Variants in DPYSL2 observed in about 807,000 individuals in gnomAD.
The protein encoded by DPYSL2 is dihydropyrimidinase like 2.
DPYSL2 carries 13 observed loss-of-function variants against 69.9 expected under a neutral mutation model. The ratio of observed to expected loss-of-function variants is 0.19; its 90% CI spans 0.12 to 0.30. The LOEUF is 0.30. DPYSL2 is among the 10% of genes least tolerant of loss of function. The pLI is 1.00. For missense variants in DPYSL2, 587 were observed against 918.9 expected, an observed-to-expected ratio of 0.64 and a Z score of 4.67; for synonymous variants, 326 against 359.1, an observed-to-expected ratio of 0.91 and a Z score of 1.04.
At chr8:26,536,377 A>G (rs968211099) in intron 1 of DPYSL2, among the ~76,000 whole-genome samples, 1 of 151,972 alleles carries the variant, frequency 6.6e-6, no homozygotes, top group Non-Finnish European at 1.5e-5. Flanking sequence ...GTTTTTTAAA[A>G]AGTAAATTAT....
chr8:26,611,840 AAG>A (rs1352424989), intron 3 of DPYSL2, among the ~76,000 whole-genome samples: 1 of 152,208 alleles, frequency 6.6e-6, no homozygotes, highest in Non-Finnish European at 1.5e-5. Context: ...TGGACCCGGA[AAG>A]AGGGACTCAG....
rs1489673441 is a variant in DPYSL2, at chr8:26,642,859, G to C, written c.1127-580G>C. 6.6e-6 allele frequency: 1 copy of C among 152,266 alleles called. No individual in the cohort carries two copies. The highest frequency in any genetic ancestry group is 6.5e-5 in the Admixed American group (1 of 15,280). The allele number at this position is 152,266 out of a possible 1,614,324, so 9.4% of individuals were successfully genotyped here. On this transcript the variant is annotated intron_variant, in intron 8 of 13. Transcript: ENST00000521913. The surrounding 1 kb of genome is among the most constrained non-coding windows in gnomAD (Gnocchi z 5.3). ...GTGAAGATGGTGGCTGTAACGGACA[G>C]CTTCTTCCAGGCAGTGACTCAGGGA...
Position 26,654,549 on chromosome 8 carries a change from C to CAATG in DPYSL2, c.1943-1065_1943-1064insATGA, listed in dbSNP as rs1433744953. 6.6e-6 allele frequency among the ~76,000 whole-genome samples: 1 copy of CAATG among 152,126 alleles called. No homozygotes were observed. The highest frequency in any genetic ancestry group is 1.5e-5 in the Non-Finnish European group (1 of 68,018). ...TTGTTGTAAGTAAAACGTGTATAAT[C>CAATG]ATGTCTGTGTTTTCTGATCTCTCAA... On this transcript the variant is annotated intron_variant, in intron 13 of 13. Coordinates refer to ENST00000521913, the MANE Select transcript of DPYSL2 (RefSeq NM_001197293.3). The surrounding 1 kb of genome is among the most constrained non-coding windows in gnomAD (Gnocchi z 5.0).
At position 26,634,788 on chromosome 8, in the gene DPYSL2, C is replaced by T. The variant is rs529587582; in HGVS notation, c.1014C>T (p.Ala338=). ...CTGCTGCTGTTTTGCAGGTCGAGGC[C>T]GAAGCCGTGAATCGTGCCATCACCA... The part of the protein sequence containing the change: ...HVLSRPEEVE[A]EAVNRAITIA... The change falls in exon 8 of 14, where the codon GCC becomes GCT. Residue 338 remains alanine, a synonymous_variant. Transcript: ENST00000521913. 6.8e-5 allele frequency: 110 copies of T among 1,614,144 alleles called. No homozygotes were observed. The Middle Eastern group carries it at 1.5e-3, about 22-fold the overall frequency.
At chr8:26,608,724 C>T (rs1802162442) in intron 3 of DPYSL2, among the ~76,000 whole-genome samples, 1 of 152,188 alleles carries the variant, frequency 6.6e-6, no homozygotes, top group Non-Finnish European at 1.5e-5. Flanking sequence ...ACCATTAGCC[C>T]TCAGCCCGAG....
Position 26,634,891 on chromosome 8 carries a change from C to T in DPYSL2, c.1117C>T (p.Arg373Trp), listed in dbSNP as rs1334281681. 3.1e-6 allele frequency: 5 copies of T among 1,614,152 alleles called. No homozygotes were observed. Among genetic ancestry groups the T allele is most frequent in the South Asian group, 1.1e-5 (1 of 91,070 alleles). ...KSSAEVIAQA[R>W]KKGTVVYGEP... Reference sequence around the variant, plus strand: ...CTCTGCTGAGGTCATCGCCCAGGCACGGAAGAAGGGTGAGTGCTGTGGCCG... The same window carrying T: ...CTCTGCTGAGGTCATCGCCCAGGCATGGAAGAAGGGTGAGTGCTGTGGCCG... The change falls in exon 8 of 14, where the codon CGG becomes TGG. Residue 373 changes from arginine (R) to tryptophan (W), a missense_variant. Transcript: ENST00000521913.
At chr8:26,520,726 C>A (rs1162715076) in intron 1 of DPYSL2, among the ~76,000 whole-genome samples, 1 of 152,172 alleles carries the variant, frequency 6.6e-6, no homozygotes, top group East Asian at 1.9e-4. Flanking sequence ...TAGGCTGTGA[C>A]AACAAATTAC....
At chr8:26,522,714 A>T (rs576358877) in intron 1 of DPYSL2, among the ~76,000 whole-genome samples, 51 of 152,254 alleles carry the variant, frequency 3.3e-4, no homozygotes, top group African/African-American at 1.2e-3. Flanking sequence ...ATATTGTTAA[A>T]TTGTATGAAT....
chr8:26,630,061 GCA>G (rs1802728947), intron 7 of DPYSL2, among the ~76,000 whole-genome samples: 1 of 152,188 alleles, frequency 6.6e-6, no homozygotes, highest in Non-Finnish European at 1.5e-5. Flanking sequence ...ATGTGCACAG[GCA>G]CAGACACGCA....
intron 1 of DPYSL2, among the ~76,000 whole-genome samples, chr8:26,538,874 G>A (rs532757480): frequency 6.6e-6 from 1 of 152,284 alleles, no homozygotes; most frequent in South Asian, 2.1e-4. Flanking sequence ...CTGGGCCCCA[G>A]TAGCCTTTAA....
chr8:26,633,500 C>T (rs167855), intron 7 of DPYSL2, among the ~76,000 whole-genome samples: 12,651 of 152,156 alleles, frequency 0.083, 778 homozygotes, highest in Admixed American at 0.22. Flanking sequence ...TGAAGTCTCT[C>T]GCTGTCACCC....
chr8:26,600,087 C>T (rs1382144329), intron 3 of DPYSL2, among the ~76,000 whole-genome samples: 3 of 152,200 alleles, frequency 2.0e-5, no homozygotes, highest in African/African-American at 4.8e-5. Flanking sequence ...TAATATGTAT[C>T]AATACTTCAT....
intron 1 of DPYSL2, among the ~76,000 whole-genome samples, chr8:26,526,891 G>T (rs920664197): frequency 2.0e-5 from 3 of 152,116 alleles, no homozygotes; most frequent in Non-Finnish European, 2.9e-5. Flanking sequence ...GGAAGTGAGG[G>T]TGTCCTCTGG....
chr8:26,606,424 A>G (rs1470839844), intron 3 of DPYSL2, among the ~76,000 whole-genome samples: 1 of 152,130 alleles, frequency 6.6e-6, no homozygotes, highest in Non-Finnish European at 1.5e-5. Flanking sequence ...ATGCTTGACT[A>G]CATAGTAATT....
In DPYSL2 at chr8:26,626,504, CACACACACACACA is replaced by C; in HGVS notation, c.794-112_794-100del. The C allele has an allele frequency of 1.2e-6, 1 of 821,896 alleles. No homozygotes were observed. Among genetic ancestry groups the C allele is most frequent in the Non-Finnish European group, 2.0e-6 (1 of 502,622 alleles). The allele number at this position is 821,896 out of a possible 1,614,324, so 50.9% of individuals were successfully genotyped here. On this transcript the variant is annotated intron_variant, in intron 4 of 13. Transcript: ENST00000521913. This position sits in a 1 kb window ranked among gnomAD's most constrained non-coding sequence, Gnocchi z 4.3. ...TGAAACACACACACACACACACACA[CACACACACACACA>C]CACACGTACACACACAGACAGTATT...
In DPYSL2 at chr8:26,624,169, A is replaced by G; in HGVS notation, c.655A>G (p.Thr219Ala). The change falls in exon 4 of 14, where the codon ACA (threonine) becomes GCA (alanine). Residue 219 changes from threonine (T) to alanine (A), a missense_variant. Transcript: ENST00000521913. The surrounding 1 kb of genome is among the most constrained non-coding windows in gnomAD (Gnocchi z 4.7). The part of the protein sequence containing the change: ...IIDHVVPEPG[T>A]SLLAAFDQWR... ...TGACCACGTTGTTCCTGAGCCTGGG[A>G]CAAGCCTGCTCGCTGCCTTTGACCA... 3 of 1,614,158 alleles carry G rather than the reference A, an allele frequency of 1.9e-6. No individual in the cohort carries two copies. The highest frequency in any genetic ancestry group is 2.5e-6 in the Non-Finnish European group (3 of 1,180,036).
intron 8 of DPYSL2, among the ~76,000 whole-genome samples, chr8:26,636,826 C>T (rs1021254805): frequency 1.3e-5 from 2 of 152,106 alleles, no homozygotes; most frequent in South Asian, 2.1e-4. Flanking sequence ...CTGCAGTCTC[C>T]GCCTCCTGGA....
rs1013987471 is a variant in DPYSL2, at chr8:26,560,572, A to G, written c.355-21397A>G. 4.6e-5 allele frequency among the ~76,000 whole-genome samples: 7 copies of G among 152,094 alleles called. No homozygotes were observed. Among genetic ancestry groups the G allele is most frequent in the Admixed American group, 4.6e-4 (7 of 15,278 alleles). On this transcript the variant is annotated intron_variant, in intron 1 of 13. Coordinates refer to ENST00000521913, the MANE Select transcript of DPYSL2 (RefSeq NM_001197293.3). This position sits in a 1 kb window ranked among gnomAD's most constrained non-coding sequence, Gnocchi z 4.4. ...TGAGAAATTCTAGGTGAAGGATTTG[A>G]GGGCTTCCTCTCTCCCAAGCAGAAA...
chr8:26,554,366 GTTT>G (rs35311135), intron 1 of DPYSL2, among the ~76,000 whole-genome samples: 1 of 145,972 alleles, frequency 6.9e-6, no homozygotes, highest in African/African-American at 2.5e-5. Flanking sequence ...GTTTTTAATG[GTTT>G]TTTTTTTTGT....
Sources: allele counts gnomAD v4.1 joint callset (sites outside exome capture counted in the v4.1 genomes callset), GRCh38; gene constraint gnomAD v4.1.1; non-coding constraint Gnocchi (gnomAD v3.1); transcripts MANE v1.5; gene names NCBI Gene and HGNC (gene_info 2026-07-23, HGNC 2026-07-21).